The following RAB11FIP4 variants were observed in gnomAD, a reference collection of about 807,000 sequenced individuals.
RAB11FIP4 encodes the protein rab11 family-interacting protein 4.
A neutral mutation model predicts 74.3 loss-of-function variants in RAB11FIP4; 23 were observed. That is an observed-to-expected ratio of 0.31 (90% confidence interval 0.22 to 0.44). The LOEUF (loss-of-function observed/expected upper bound fraction) is 0.44. Ranked by LOEUF, RAB11FIP4 falls within the 20% of genes least tolerant of loss-of-function variation. The probability of loss-of-function intolerance (pLI) is 1.00; values close to 1 mark genes in which losing one functional copy is unlikely to be tolerated. For synonymous variants in RAB11FIP4, 360 were observed against 359.9 expected (o/e 1.00, Z 0.00); for missense variants, 630 against 863.9 (o/e 0.73, Z 3.39).
At chr17:31,392,181 C>T (rs2070880397) in intron 1 of RAB11FIP4, 170 bp downstream of exon 1, 2 of 476,540 alleles carry the variant, frequency 4.2e-6, no homozygotes, top group South Asian at 1.0e-4. Context: ...ATCCCTGGCC[C>T]AGCCGGGCCC....
intron 3 of RAB11FIP4, among the ~76,000 whole-genome samples, chr17:31,443,632 C>T (rs1275130627): frequency 6.6e-6 from 1 of 152,084 alleles, no homozygotes; most frequent in Non-Finnish European, 1.5e-5. Flanking sequence ...GAGGTTTGCC[C>T]GGTGCAGTGG....
intron 3 of RAB11FIP4, among the ~76,000 whole-genome samples, chr17:31,450,332 T>C (rs988048205): frequency 8.7e-6 from 1 of 115,352 alleles, no homozygotes; most frequent in African/African-American, 3.4e-5. Context: ...TTATTATTAT[T>C]ATTATTATTA....
At chr17:31,486,062 C>CT (rs397857289) in intron 3 of RAB11FIP4, among the ~76,000 whole-genome samples, 2 of 151,744 alleles carry the variant, frequency 1.3e-5, no homozygotes, top group Non-Finnish European at 2.9e-5. Flanking sequence ...GGTGAAACCC[C>CT]GTCTCTACTA....
intron 3 of RAB11FIP4, among the ~76,000 whole-genome samples, chr17:31,444,355 C>CG (rs569859548): frequency 3.3e-5 from 5 of 151,162 alleles, no homozygotes; most frequent in African/African-American, 9.8e-5. Flanking sequence ...CAACACCCCC[C>CG]CCACCCTTCT....
intron 3 of RAB11FIP4, among the ~76,000 whole-genome samples, chr17:31,445,567 TATATATATATA>T (rs1263758775): frequency 0.013 from 160 of 12,672 alleles, 1 homozygote; most frequent in Non-Finnish European, 0.017. Flanking sequence ...TATATATATA[TATATATATATA>T]TTTTTTTTTT....
intron 3 of RAB11FIP4, among the ~76,000 whole-genome samples, chr17:31,497,533 C>T (rs1015224703): frequency 1.3e-5 from 2 of 152,104 alleles, no homozygotes; most frequent in African/African-American, 4.8e-5. Context: ...CCCCGTCCTT[C>T]AGGATGGCTG....
intron 3 of RAB11FIP4, among the ~76,000 whole-genome samples, chr17:31,440,002 G>A (rs1052626544): frequency 1.3e-5 from 2 of 152,038 alleles, no homozygotes; most frequent in Non-Finnish European, 2.9e-5. Context: ...CTTGTTTTAG[G>A]AGTGTTTTAT....
Position 31,420,619 on chromosome 17 carries a change from A to C in RAB11FIP4, c.160-11194A>C, listed in dbSNP as rs544340795. On this transcript the variant is annotated intron_variant, in intron 1 of 14. Coordinates refer to ENST00000621161, the MANE Select transcript of RAB11FIP4 (RefSeq NM_032932.6). ...ATGCATCAGTTTTGTTAATCTTTTC[A>C]AAAAAAAAACCAGATTTGGGTTTTG... Among the ~76,000 whole-genome samples, 15 of 140,402 alleles carry C rather than the reference A, an allele frequency of 1.1e-4. No homozygotes were observed. The East Asian group carries it at 2.0e-3, about 18-fold the overall frequency. 92.1% of individuals were successfully genotyped at this position (140,402 alleles called of 152,430 possible). A position where few individuals can be genotyped will look rare whatever the true frequency, so the allele number is the denominator to read the frequency against.
chr17:31,513,471 G>A (rs1017147467), intron 3 of RAB11FIP4, among the ~76,000 whole-genome samples: 3 of 152,132 alleles, frequency 2.0e-5, no homozygotes, highest in African/African-American at 7.2e-5. Context: ...AGGAGCAAGG[G>A]CTTCCACCAG....
chr17:31,534,047 C>G lies in RAB11FIP4; in HGVS notation c.*2315C>G, dbSNP rs1485504226. Reference sequence around the variant, plus strand: ...ATATTCTTCTGGGCTCAAAAGCTAGCTTGAGGGGGCAGATGCCCCAGGTGT... The same window carrying G: ...ATATTCTTCTGGGCTCAAAAGCTAGGTTGAGGGGGCAGATGCCCCAGGTGT... On this transcript the variant is annotated 3_prime_UTR_variant, in exon 15 of 15. Transcript: ENST00000621161. 6.6e-6 allele frequency: 1 copy of G among 152,154 alleles called. No individual in the cohort carries two copies. The highest frequency in any genetic ancestry group is 1.5e-5 in the Non-Finnish European group (1 of 68,038). The allele number at this position is 152,154 out of a possible 1,614,324, so 9.4% of individuals were successfully genotyped here.
intron 3 of RAB11FIP4, among the ~76,000 whole-genome samples, chr17:31,474,599 A>G (rs1178318855): frequency 1.3e-5 from 2 of 151,734 alleles, no homozygotes; most frequent in East Asian, 3.9e-4. Context: ...AACCTGGGAG[A>G]CAGAGGCTTC....
At chr17:31,472,562 C>T (rs867492911) in intron 3 of RAB11FIP4, among the ~76,000 whole-genome samples, 7 of 152,212 alleles carry the variant, frequency 4.6e-5, no homozygotes, top group African/African-American at 1.7e-4. Context: ...CAAAGAATTG[C>T]GGTCTGAGGG....
In RAB11FIP4 at chr17:31,532,701, G is replaced by C. The variant is rs796360600; in HGVS notation, c.*969G>C. The stretch of plus-strand genomic sequence containing the variant: ...CTGTCTTCATTCTCCACGCAGCCTG[G>C]TGATGGCAGGCCTGGGTTTGGATTT... On this transcript the variant is annotated 3_prime_UTR_variant, in exon 15 of 15. Transcript: ENST00000621161. The C allele has an allele frequency of 5.3e-5, 8 of 152,298 alleles. No homozygotes were observed. The highest frequency in any genetic ancestry group is 1.9e-4 in the African/African-American group (8 of 41,558). The allele number at this position is 152,298 out of a possible 1,614,324, so 9.4% of individuals were successfully genotyped here.
intron 3 of RAB11FIP4, among the ~76,000 whole-genome samples, chr17:31,445,408 T>C (rs1383008510): frequency 1.3e-5 from 2 of 151,484 alleles, no homozygotes; most frequent in Admixed American, 6.6e-5. Flanking sequence ...CATCCTTAAA[T>C]ACTTGGCCAT....
At chr17:31,490,115 G>A (rs2142751054) in intron 3 of RAB11FIP4, among the ~76,000 whole-genome samples, 1 of 152,252 alleles carries the variant, frequency 6.6e-6, no homozygotes, top group Non-Finnish European at 1.5e-5. Context: ...GCACTCGGAA[G>A]GCTCTGGGCT....
intron 3 of RAB11FIP4, among the ~76,000 whole-genome samples, chr17:31,463,208 CAG>C (rs1036367150): frequency 2.6e-5 from 4 of 152,234 alleles, no homozygotes; most frequent in African/African-American, 4.8e-5. Flanking sequence ...CACGAGACTC[CAG>C]GCAGGCCTGG....
At chr17:31,445,532 TTATATATATATA>T (rs1208804229) in intron 3 of RAB11FIP4, among the ~76,000 whole-genome samples, 652 of 36,424 alleles carry the variant, frequency 0.018, 16 homozygotes, top group Non-Finnish European at 0.022. Flanking sequence ...TTTCCCAATT[TTATATATATATA>T]TATATATATA....
chr17:31,522,024 C>T lies in RAB11FIP4; in HGVS notation c.868C>T (p.Arg290Ter), dbSNP rs550949617. ...CAACCTGCTCAATGACTTGGAAGCCCGACTGAAAAACCTGAAGGCCAACAG... is the reference window on the plus strand; with the variant it reads ...CAACCTGCTCAATGACTTGGAAGCCTGACTGAAAAACCTGAAGGCCAACAG... ...KINLLNDLEA[R>*]LKNLKANSPN... is the part of the protein sequence containing the mutation. The change falls in exon 6 of 15, where the codon CGA becomes TGA. Residue 290 changes from arginine to a stop codon, truncating the protein, a stop_gained. Coordinates refer to ENST00000621161, the MANE Select transcript of RAB11FIP4 (RefSeq NM_032932.6). LOFTEE classifies it high-confidence loss of function. 3 of 1,614,102 alleles carry T rather than the reference C, an allele frequency of 1.9e-6. No individual in the cohort carries two copies. Among genetic ancestry groups the T allele is most frequent in the South Asian group, 1.1e-5 (1 of 91,086 alleles).
At chr17:31,433,353 A>T (rs1337495657) in intron 2 of RAB11FIP4, among the ~76,000 whole-genome samples, 1 of 152,160 alleles carries the variant, frequency 6.6e-6, no homozygotes, top group Admixed American at 6.5e-5. Context: ...GGAGGGTGGA[A>T]CGATGCAGGG....
Sources: allele counts gnomAD v4.1 joint callset (sites outside exome capture counted in the v4.1 genomes callset), GRCh38; gene constraint gnomAD v4.1.1; transcripts MANE v1.5; gene names NCBI Gene and HGNC (gene_info 2026-07-23, HGNC 2026-07-21).